The following GSK3B variants were observed in gnomAD, a reference collection of about 807,000 sequenced individuals.
GSK3B encodes glycogen synthase kinase 3 beta, also known as glycogen synthase kinase-3 beta.
GSK3B carries 15 observed loss-of-function variants against 56.4 expected under a neutral mutation model. The observed-to-expected ratio is 0.27, with a 90% CI of 0.18 to 0.41. The LOEUF is 0.41. Ranked by LOEUF, GSK3B falls within the 10% of genes least tolerant of loss-of-function variation. The pLI is 1.00. For missense variants in GSK3B, 300 were observed against 513.4 expected (o/e 0.58, Z 4.02); for synonymous variants, 181 against 188.9 (o/e 0.96, Z 0.34).
chr3:120,029,465 A>C (rs893541255), intron 1 of GSK3B: 2 of 695,598 alleles, frequency 2.9e-6, no homozygotes, highest in African/African-American at 3.5e-5. Context: ...CTGGATCAAG[A>C]GCAGTGTTAT....
At chr3:119,985,816 C>T (rs781152547) in intron 2 of GSK3B, among the ~76,000 whole-genome samples, 5 of 152,142 alleles carry the variant, frequency 3.3e-5, no homozygotes, top group African/African-American at 1.2e-4. Flanking sequence ...ACTTTCTTCA[C>T]AGAATTGGAA....
At chr3:120,018,322 C>A (rs911506351) in intron 1 of GSK3B, among the ~76,000 whole-genome samples, 1 of 152,162 alleles carries the variant, frequency 6.6e-6, no homozygotes, top group African/African-American at 2.4e-5. Context: ...GGGTGTAAAA[C>A]CCACATATAC....
At position 119,870,741 on chromosome 3, in the gene GSK3B, T is replaced by C. The variant is rs543871307; in HGVS notation, c.909+5672A>G. 2.6e-5 allele frequency among the ~76,000 whole-genome samples: 4 copies of C among 152,270 alleles called. No homozygotes were observed. The South Asian group carries it at 8.3e-4, about 32-fold the overall frequency. On this transcript the variant is annotated intron_variant, in intron 8 of 10. Coordinates refer to ENST00000264235, the MANE Select transcript of GSK3B (RefSeq NM_001146156.2). ...GTAGAGAACATACTATATGTATTTG[T>C]GAGGCAAGTGAGAATGGTCTAGGTA...
At chr3:119,863,325 T>C in intron 9 of GSK3B, 94 bp downstream of exon 9, 2 of 993,740 alleles carry the variant, frequency 2.0e-6, no homozygotes, top group East Asian at 2.4e-5. Context: ...ATGTCCGTTT[T>C]TGTCCTCCAC....
At chr3:120,013,349 T>G (rs1031966738) in intron 1 of GSK3B, among the ~76,000 whole-genome samples, 1 of 152,218 alleles carries the variant, frequency 6.6e-6, no homozygotes, top group Non-Finnish European at 1.5e-5. Context: ...TTTCTTGTTT[T>G]AAGGAGACTA....
chr3:119,926,384 C>G (rs1414327275), intron 3 of GSK3B, among the ~76,000 whole-genome samples: 1 of 151,534 alleles, frequency 6.6e-6, no homozygotes, highest in East Asian at 1.9e-4. Context: ...ACCCTCATAT[C>G]CAAATGCCAG....
chr3:120,070,915 T>A (rs530144324), intron 1 of GSK3B, among the ~76,000 whole-genome samples: 29 of 152,256 alleles, frequency 1.9e-4, no homozygotes, highest in Middle Eastern at 3.4e-3. Flanking sequence ...TTTGTGTCCT[T>A]TACCCACCAG....
intron 1 of GSK3B, among the ~76,000 whole-genome samples, chr3:120,025,917 A>G (rs1395896808): frequency 6.6e-6 from 1 of 152,172 alleles, no homozygotes; most frequent in Non-Finnish European, 1.5e-5. Flanking sequence ...TAGTTTCCCT[A>G]TCTGTACACT....
chr3:119,959,120 C>CA (rs1199026712), intron 2 of GSK3B, among the ~76,000 whole-genome samples: 1 of 152,178 alleles, frequency 6.6e-6, no homozygotes, highest in Non-Finnish European at 1.5e-5. Flanking sequence ...AATCCTTCCT[C>CA]ATTGGCCAAA....
intron 10 of GSK3B, among the ~76,000 whole-genome samples, chr3:119,835,150 A>G (rs928992548): frequency 3.9e-5 from 6 of 152,258 alleles, no homozygotes; most frequent in African/African-American, 1.4e-4. Context: ...AAAAATGTGT[A>G]TGTGCACACA....
intron 1 of GSK3B, among the ~76,000 whole-genome samples, chr3:120,056,259 T>C (rs565608785): frequency 6.6e-6 from 1 of 152,344 alleles, no homozygotes; most frequent in African/African-American, 2.4e-5. Context: ...ATTTCTAAGA[T>C]GGCAAAGATC....
intron 6 of GSK3B, among the ~76,000 whole-genome samples, chr3:119,908,761 T>C (rs955825737): frequency 2.0e-5 from 3 of 152,324 alleles, no homozygotes; most frequent in South Asian, 4.1e-4. Context: ...TAGACATTTC[T>C]AGATGTCCCA....
intron 1 of GSK3B, among the ~76,000 whole-genome samples, chr3:120,020,520 G>A (rs1250813684): frequency 1.3e-5 from 2 of 152,068 alleles, no homozygotes; most frequent in African/African-American, 4.8e-5. Context: ...TACCCATTAT[G>A]GTGATCTGTG....
intron 3 of GSK3B, among the ~76,000 whole-genome samples, chr3:119,931,567 A>C (rs1421703379): frequency 2.0e-5 from 3 of 152,216 alleles, no homozygotes; most frequent in Non-Finnish European, 2.9e-5. Flanking sequence ...AGTAGTCAAG[A>C]CTGTGCCACT....
chr3:119,840,224 A>G (rs2055752342), intron 10 of GSK3B, among the ~76,000 whole-genome samples: 2 of 138,556 alleles, frequency 1.4e-5, no homozygotes, highest in African/African-American at 5.3e-5. Context: ...GATGCCGAGA[A>G]TTTTTTTTTT....
chr3:120,029,425 T>A, intron 1 of GSK3B: 1 of 733,730 alleles, frequency 1.4e-6, no homozygotes, highest in Non-Finnish European at 2.6e-6. Context: ...TTATGTTTTG[T>A]GGAGCTTCGC....
chr3:120,001,999 T>C, intron 2 of GSK3B, 47 bp downstream of exon 2: 6 of 1,168,202 alleles, frequency 5.1e-6, no homozygotes, highest in South Asian at 1.9e-5. Flanking sequence ...ATTTATGGTA[T>C]ATGTATTACG....
At chr3:119,987,118 T>A (rs1036039342) in intron 2 of GSK3B, among the ~76,000 whole-genome samples, 1 of 152,100 alleles carries the variant, frequency 6.6e-6, no homozygotes, top group Non-Finnish European at 1.5e-5. Flanking sequence ...CAGGTGGGAA[T>A]TGAACAATGA....
At chr3:119,907,051 C>G (rs1313594496) in intron 6 of GSK3B, among the ~76,000 whole-genome samples, 1 of 151,974 alleles carries the variant, frequency 6.6e-6, no homozygotes, top group East Asian at 1.9e-4. Flanking sequence ...CTAAATTAAG[C>G]ACATATGAAA....
Sources: allele counts gnomAD v4.1 joint callset (sites outside exome capture counted in the v4.1 genomes callset), GRCh38; gene constraint gnomAD v4.1.1; transcripts MANE v1.5; gene names NCBI Gene and HGNC (gene_info 2026-07-23, HGNC 2026-07-21).